Variants in SLCO6A1 observed in about 807,000 individuals in gnomAD.
The protein encoded by SLCO6A1 is cancer/testis antigen 48.
Under a neutral mutation model 72.7 loss-of-function variants are expected in SLCO6A1, and 65 were observed. The ratio of observed to expected loss-of-function variants is 0.89; its 90% CI spans 0.73 to 1.10. The LOEUF is 1.10. SLCO6A1 is among the 50% of genes least tolerant of loss of function. The pLI is 0.00. For missense variants in SLCO6A1, 874 were observed against 872.6 expected, an observed-to-expected ratio of 1.00 and a Z score of -0.02; for synonymous variants, 314 against 298.2, an observed-to-expected ratio of 1.05 and a Z score of -0.55.
chr5:102,374,808 A>G (rs923806663), intron 12 of SLCO6A1, among the ~76,000 whole-genome samples: 2 of 152,212 alleles, frequency 1.3e-5, no homozygotes, highest in African/African-American at 4.8e-5. Context: ...AGAAAAATTG[A>G]GCAATTTTGA....
intron 10 of SLCO6A1, 115 bp downstream of exon 10, chr5:102,399,440 G>C: frequency 1.5e-6 from 1 of 656,094 alleles, no homozygotes; most frequent in Non-Finnish European, 2.2e-6. Context: ...CTTTTCCTCT[G>C]CATTTGCTAC....
Position 102,397,953 on chromosome 5 carries a change from C to T in SLCO6A1, c.1814+1602G>A, listed in dbSNP as rs373736460. ...TCAGAACTAAACTTCTAGAATATTA[C>T]TATTATCTCTTTCATCTCACTGCTG... On this transcript the variant is annotated intron_variant, in intron 10 of 13. Transcript: ENST00000506729. Among the ~76,000 whole-genome samples the T allele has an allele frequency of 3.3e-5, 5 of 152,202 alleles. No individual in the cohort carries two copies. In the East Asian group the frequency reaches 7.7e-4, roughly 23 times the overall value.
chr5:102,460,917 T>TATATAC lies in SLCO6A1; in HGVS notation c.900-1141_900-1140insGTATAT, dbSNP rs1251990371. On this transcript the variant is annotated intron_variant, in intron 4 of 13. Coordinates refer to ENST00000506729, the MANE Select transcript of SLCO6A1 (RefSeq NM_173488.5). ...CTTATCTCATATATATATATATATA[T>TATATAC]ATATATATATATATATATATATATA... Among the ~76,000 whole-genome samples the TATATAC allele has an allele frequency of 4.4e-4, 4 of 8,992 alleles. No homozygotes were observed. In the East Asian group the frequency reaches 8.5e-3, roughly 19 times the overall value. The allele number at this position is 8,992 out of a possible 152,430, so 5.9% of individuals were successfully genotyped here.
intron 6 of SLCO6A1, 112 bp downstream of exon 6, chr5:102,458,270 A>C: frequency 1.4e-6 from 1 of 723,566 alleles, no homozygotes; most frequent in Non-Finnish European, 2.3e-6. Context: ...AGAAAAAAAA[A>C]GTCTCACCCA....
intron 6 of SLCO6A1, among the ~76,000 whole-genome samples, chr5:102,457,432 G>T (rs1750787126): frequency 6.6e-6 from 1 of 151,516 alleles, no homozygotes; most frequent in Non-Finnish European, 1.5e-5. Context: ...CCATCAAAAA[G>T]TGGGCAAAGG....
intron 10 of SLCO6A1, among the ~76,000 whole-genome samples, chr5:102,397,635 G>C (rs1441019646): frequency 6.6e-6 from 1 of 152,002 alleles, no homozygotes; most frequent in Non-Finnish European, 1.5e-5. Context: ...TGTAAGTCCT[G>C]CTCCCAGAAG....
At position 102,406,846 on chromosome 5, in the gene SLCO6A1, T is replaced by A. The variant is rs189265106; in HGVS notation, c.1626+6144A>T. On this transcript the variant is annotated intron_variant, in intron 9 of 13. Transcript: ENST00000506729. Reference sequence around the variant, plus strand: ...CAGACACTGCGGAATAGAGGCTTAGTAACTGGAAGATAGATGAACAGAAAC... The same window carrying A: ...CAGACACTGCGGAATAGAGGCTTAGAAACTGGAAGATAGATGAACAGAAAC... 3.9e-3 allele frequency among the ~76,000 whole-genome samples: 600 copies of A among 152,224 alleles called. 5 individuals are homozygous for A. The highest frequency in any genetic ancestry group is 0.014 in the African/African-American group (576 of 41,528).
intron 6 of SLCO6A1, among the ~76,000 whole-genome samples, chr5:102,456,120 C>G (rs1750699288): frequency 6.6e-6 from 1 of 152,058 alleles, no homozygotes. Context: ...ATAATAAGAC[C>G]TATCTATAAC....
chr5:102,389,395 C>A (rs894882208), intron 11 of SLCO6A1, among the ~76,000 whole-genome samples: 2 of 150,406 alleles, frequency 1.3e-5, no homozygotes, highest in African/African-American at 4.9e-5. Flanking sequence ...AAAATCTCCA[C>A]AGCAGCAATG....
intron 11 of SLCO6A1, 30 bp downstream of exon 11, chr5:102,390,951 A>T (rs1324954874): frequency 6.3e-7 from 1 of 1,598,720 alleles, no homozygotes; most frequent in Admixed American, 1.7e-5. Flanking sequence ...AAACATTTTG[A>T]TGTAATAAGA....
chr5:102,440,670 G>A (rs933814171), intron 6 of SLCO6A1, among the ~76,000 whole-genome samples: 1 of 152,180 alleles, frequency 6.6e-6, no homozygotes, highest in Non-Finnish European at 1.5e-5. Context: ...TTGACCCCAA[G>A]TATAGTTGAG....
chr5:102,412,534 G>A (rs1185481725), intron 9 of SLCO6A1, among the ~76,000 whole-genome samples: 1 of 152,094 alleles, frequency 6.6e-6, no homozygotes, highest in Non-Finnish European at 1.5e-5. Context: ...ACCAAGGCAG[G>A]TGGATCACTT....
intron 1 of SLCO6A1, among the ~76,000 whole-genome samples, chr5:102,495,359 C>T (rs975497975): frequency 6.6e-6 from 1 of 152,126 alleles, no homozygotes. Flanking sequence ...TTTGGGAGGC[C>T]GCGGTGGGCG....
At chr5:102,480,037 A>G in intron 2 of SLCO6A1, 140 bp downstream of exon 2, 1 of 757,388 alleles carries the variant, frequency 1.3e-6, no homozygotes, top group Non-Finnish European at 2.1e-6. Context: ...TTAGTTAATT[A>G]GCAAACTTGG....
chr5:102,495,526 C>T (rs1454806872), intron 1 of SLCO6A1, among the ~76,000 whole-genome samples: 4 of 151,876 alleles, frequency 2.6e-5, no homozygotes, highest in Non-Finnish European at 5.9e-5. Context: ...ACCAAGGAGG[C>T]GGAGGTTGCA....
Position 102,371,816 on chromosome 5 carries a change from G to C in SLCO6A1, c.*323C>G, listed in dbSNP as rs1342762907. On this transcript the variant is annotated 3_prime_UTR_variant, in exon 14 of 14. Coordinates refer to ENST00000506729, the MANE Select transcript of SLCO6A1 (RefSeq NM_173488.5). ...TGTTATTATTTTACTTTATTTCCTA[G>C]TTGTATAATTTTTAATATTTCTAGA... 2 of 151,710 alleles carry C rather than the reference G, an allele frequency of 1.3e-5. No homozygotes were observed. The highest frequency in any genetic ancestry group is 2.1e-4 in the South Asian group (1 of 4,818). 9.4% of individuals were successfully genotyped at this position (151,710 alleles called of 1,614,324 possible).
intron 1 of SLCO6A1, among the ~76,000 whole-genome samples, chr5:102,495,781 G>A (rs1752881860): frequency 6.6e-6 from 1 of 151,826 alleles, no homozygotes; most frequent in African/African-American, 2.4e-5. Context: ...GGGAGAAGAA[G>A]AGAGGAAGGG....
rs758135674 is a variant in SLCO6A1 at position 102,458,376 on chromosome 5, CT to C, written c.1131+5del. ...TGGATTGTTCAAGTAAAATATTTTA[CT>C]TTACCCAAAGAGCAGCACATAAATC... On this transcript the variant is annotated splice_donor_5th_base_variant and intron_variant, in intron 6 of 13. Coordinates refer to ENST00000506729, the MANE Select transcript of SLCO6A1 (RefSeq NM_173488.5). 4 of 1,586,924 alleles carry C rather than the reference CT, an allele frequency of 2.5e-6. No homozygotes were observed. Among genetic ancestry groups the C allele is most frequent in the Non-Finnish European group, 2.6e-6 (3 of 1,161,934 alleles).
chr5:102,448,606 C>A (rs1750244806), intron 6 of SLCO6A1, among the ~76,000 whole-genome samples: 1 of 152,058 alleles, frequency 6.6e-6, no homozygotes, highest in African/African-American at 2.4e-5. Flanking sequence ...TTGAGTTGAA[C>A]CTTTGTCATT....
Sources: gnomAD v4.1 joint callset for allele counts (sites outside exome capture counted in the v4.1 genomes callset) on GRCh38, gnomAD v4.1.1 for gene constraint, MANE v1.5 for transcripts, NCBI Gene and HGNC (gene_info 2026-07-23, HGNC 2026-07-21) for gene names.